Variants in NIBAN1 observed in about 807,000 individuals in gnomAD.
NIBAN1 encodes protein Niban 1.
Under a neutral mutation model 75.1 loss-of-function variants are expected in NIBAN1, and 81 were observed. The observed-to-expected ratio is 1.08, with a 90% CI of 0.90 to 1.30. The LOEUF (loss-of-function observed/expected upper bound fraction) is 1.30, where lower values mean the gene tolerates loss of function less well. Among genes scored for constraint, NIBAN1 ranks in the 50% most tolerant of loss-of-function variants. NIBAN1 has a pLI of 0.00. For missense variants in NIBAN1, 1,133 were observed against 1,128.1 expected (o/e 1.00, Z -0.06); for synonymous variants, 436 against 424.8 (o/e 1.03, Z -0.32).
At chr1:184,910,974 A>T (rs1167357285) in intron 1 of NIBAN1, among the ~76,000 whole-genome samples, 1 of 152,084 alleles carries the variant, frequency 6.6e-6, no homozygotes, top group Non-Finnish European at 1.5e-5. Context: ...GAACTGCATC[A>T]TCAGCTTTCC....
In NIBAN1 at chr1:184,806,034, G is replaced by C. The variant is rs1476507010; in HGVS notation, c.1358C>G (p.Thr453Ser). ...MQELMENAVF[T>S]FEQLLSPHLQ... ...ATGTGGGGAAAGCAACTGCTCAAAA[G>C]TGAACACTGCATTCTCCATTAGCTA... The change falls in exon 11 of 14, where the codon ACT becomes AGT. Residue 453 changes from threonine (T) to serine (S), a missense_variant. Transcript: ENST00000367511. 1 of 1,614,080 alleles carries C rather than the reference G, an allele frequency of 6.2e-7. No homozygotes were observed. The highest frequency in any genetic ancestry group is 1.1e-5 in the South Asian group (1 of 91,086).
At chr1:184,901,367 TA>T (rs924049303) in intron 1 of NIBAN1, among the ~76,000 whole-genome samples, 2 of 152,222 alleles carry the variant, frequency 1.3e-5, no homozygotes, top group African/African-American at 4.8e-5. Flanking sequence ...GTATTACTAT[TA>T]ATCAGTATTT....
chr1:184,974,194 G>T, intron 1 of NIBAN1, 108 bp downstream of exon 1: 1 of 1,135,094 alleles, frequency 8.8e-7, no homozygotes, highest in Non-Finnish European at 1.1e-6. Context: ...GGATCCCCGC[G>T]CGCTACAGGG....
At chr1:184,810,102 A>T (rs1332639686) in intron 9 of NIBAN1, among the ~76,000 whole-genome samples, 2 of 152,176 alleles carry the variant, frequency 1.3e-5, no homozygotes, top group African/African-American at 4.8e-5. Flanking sequence ...ACCCCAAAAC[A>T]TTTCTAAAAT....
At chr1:184,932,980 A>C (rs534007256) in intron 1 of NIBAN1, among the ~76,000 whole-genome samples, 2 of 152,358 alleles carry the variant, frequency 1.3e-5, no homozygotes, top group African/African-American at 4.8e-5. Context: ...TGCAGAAAGC[A>C]TAACAAAAAT....
chr1:184,930,788 C>A (rs950464149), intron 1 of NIBAN1, among the ~76,000 whole-genome samples: 2 of 152,098 alleles, frequency 1.3e-5, no homozygotes, highest in African/African-American at 4.8e-5. Flanking sequence ...TCCAGCAGAG[C>A]CCTTTGATAA....
chr1:184,970,462 A>G (rs1401053661), intron 1 of NIBAN1, among the ~76,000 whole-genome samples: 1 of 152,198 alleles, frequency 6.6e-6, no homozygotes, highest in Non-Finnish European at 1.5e-5. Flanking sequence ...CACCTTGCCC[A>G]TGGAGACTTC....
intron 1 of NIBAN1, among the ~76,000 whole-genome samples, chr1:184,913,101 A>G (rs1273443022): frequency 1.4e-5 from 2 of 145,644 alleles, no homozygotes; most frequent in Non-Finnish European, 3.0e-5. Flanking sequence ...CAATATTGCA[A>G]TGAATTGTTT....
chr1:184,913,102 T>C (rs891006979), intron 1 of NIBAN1, among the ~76,000 whole-genome samples: 1 of 145,902 alleles, frequency 6.9e-6, no homozygotes, highest in South Asian at 2.2e-4. Context: ...AATATTGCAA[T>C]GAATTGTTTT....
intron 2 of NIBAN1, among the ~76,000 whole-genome samples, chr1:184,898,860 C>G (rs555668951): frequency 4.3e-4 from 65 of 152,166 alleles, no homozygotes; most frequent in African/African-American, 1.5e-3. Context: ...TTAGGGGATT[C>G]AAAGAGAAAA....
chr1:184,842,787 T>C (rs1655329474), intron 5 of NIBAN1, among the ~76,000 whole-genome samples: 1 of 150,382 alleles, frequency 6.6e-6, no homozygotes, highest in African/African-American at 2.4e-5. Context: ...AAAAAATCCA[T>C]TCTTGGTTTT....
intron 1 of NIBAN1, among the ~76,000 whole-genome samples, chr1:184,959,949 C>T (rs1160395076): frequency 6.6e-6 from 1 of 152,154 alleles, no homozygotes; most frequent in Non-Finnish European, 1.5e-5. Context: ...CGTTCATTTT[C>T]TTTGTTCTCT....
intron 1 of NIBAN1, among the ~76,000 whole-genome samples, chr1:184,961,991 T>TAA (rs1026760502): frequency 1.3e-5 from 2 of 152,218 alleles, no homozygotes; most frequent in Non-Finnish European, 2.9e-5. Flanking sequence ...GCCACTTAAT[T>TAA]AATCCTATCT....
At chr1:184,806,160 A>T (rs1328246834) in intron 10 of NIBAN1, 104 bp from the exon 11 acceptor site, 4 of 807,030 alleles carry the variant, frequency 5.0e-6, no homozygotes, top group Non-Finnish European at 8.0e-6. Flanking sequence ...ATCAGAGATG[A>T]GTCCCCTCGG....
chr1:184,795,610 C>T lies in NIBAN1; in HGVS notation c.2154G>A (p.Ala718=), dbSNP rs146825233. The T allele has an allele frequency of 5.3e-5, 86 of 1,614,042 alleles. No individual in the cohort carries two copies. The highest frequency in any genetic ancestry group is 4.2e-4 in the East Asian group (19 of 44,898). ...CAGAGTCCACTGGTACTTCCACGGA[C>T]GCTGTCAGCAACTTTCTGAGCGCCT... ...SLKALRKLLT[A]SVEVPVDSAP... is the part of the protein sequence containing the mutation. Residue 718 remains alanine (A), a synonymous_variant, in exon 14 of 14, where the codon GCG becomes GCA. Transcript: ENST00000367511.
At chr1:184,796,235 A>T in intron 13 of NIBAN1, 138 bp from the exon 14 acceptor site, 2 of 793,722 alleles carry the variant, frequency 2.5e-6, no homozygotes, top group Non-Finnish European at 3.8e-6. Flanking sequence ...TGATGACCAA[A>T]GTCTATAAAC....
rs766136223 is a variant in NIBAN1, at chr1:184,807,957, C to T, written c.1335+117G>A. ...AACGTGTCCTCCCGCAACATGATGGCTAAAGAGACGCGACGTATTTCCCTG... is the reference window on the plus strand; with the variant it reads ...AACGTGTCCTCCCGCAACATGATGGTTAAAGAGACGCGACGTATTTCCCTG... On this transcript the variant is annotated intron_variant, in intron 10 of 13. Transcript: ENST00000367511. The T allele has an allele frequency of 1.6e-5, 19 of 1,205,312 alleles. No homozygotes were observed. In the East Asian group the frequency reaches 4.3e-4, roughly 27 times the overall value. The allele number at this position is 1,205,312 out of a possible 1,614,324, so 74.7% of individuals were successfully genotyped here.
At chr1:184,896,241 A>G (rs892381254) in intron 2 of NIBAN1, among the ~76,000 whole-genome samples, 1 of 152,156 alleles carries the variant, frequency 6.6e-6, no homozygotes, top group African/African-American at 2.4e-5. Context: ...CTTTTTAATG[A>G]CATTCATTCT....
chr1:184,889,812 T>C (rs1362361884), intron 4 of NIBAN1, among the ~76,000 whole-genome samples: 1 of 152,242 alleles, frequency 6.6e-6, no homozygotes, highest in Admixed American at 6.5e-5. Context: ...CACTTGTCTA[T>C]GGGACATGAG....
Sources: allele counts gnomAD v4.1 joint callset (sites outside exome capture counted in the v4.1 genomes callset), GRCh38; gene constraint gnomAD v4.1.1; transcripts MANE v1.5; gene names NCBI Gene and HGNC (gene_info 2026-07-23, HGNC 2026-07-21).